The following CTNNBIP1 variants were observed in gnomAD, a reference collection of about 807,000 sequenced individuals.
The protein encoded by CTNNBIP1 is beta-catenin-interacting protein 1.
In CTNNBIP1, 7 loss-of-function variants were observed where a neutral mutation model predicts 11.8. That is an observed-to-expected ratio of 0.60 (90% confidence interval 0.34 to 1.12). The LOEUF (loss-of-function observed/expected upper bound fraction) is 1.12, where lower values mean the gene tolerates loss of function less well. Ranked by LOEUF, CTNNBIP1 falls within the 50% of genes most tolerant of loss-of-function variation. The pLI is 0.03. For synonymous variants in CTNNBIP1, 58 were observed against 43.9 expected (o/e 1.32, Z -1.26); for missense variants, 101 against 113.4 (o/e 0.89, Z 0.50).
intron 2 of CTNNBIP1, among the ~76,000 whole-genome samples, chr1:9,882,291 G>A (rs1639098405): frequency 6.6e-6 from 1 of 152,214 alleles, no homozygotes. Context: ...GAATACACAG[G>A]TGAGCAAAAG....
At chr1:9,882,764 C>T (rs905276902) in intron 2 of CTNNBIP1, among the ~76,000 whole-genome samples, 1 of 152,098 alleles carries the variant, frequency 6.6e-6, no homozygotes, top group Non-Finnish European at 1.5e-5. Context: ...AGGCCTGGCA[C>T]ATGTCCAGGG....
intron 5 of CTNNBIP1, among the ~76,000 whole-genome samples, chr1:9,855,315 G>A (rs953776836): frequency 6.7e-6 from 1 of 149,908 alleles, no homozygotes; most frequent in Non-Finnish European, 1.5e-5. Flanking sequence ...TATGGGAAGG[G>A]AAGGGACCCA....
intron 1 of CTNNBIP1, among the ~76,000 whole-genome samples, chr1:9,896,239 A>G (rs1234637034): frequency 6.6e-6 from 1 of 152,230 alleles, no homozygotes; most frequent in East Asian, 1.9e-4. Flanking sequence ...TATCTGATGT[A>G]TCAGTGTTCC....
At chr1:9,876,318 G>A (rs1455907548) in intron 3 of CTNNBIP1, among the ~76,000 whole-genome samples, 1 of 152,018 alleles carries the variant, frequency 6.6e-6, no homozygotes, top group Non-Finnish European at 1.5e-5. Flanking sequence ...CCAAAAAAAG[G>A]AAAATGAAAA....
chr1:9,895,107 C>A (rs1639384067), intron 1 of CTNNBIP1, among the ~76,000 whole-genome samples: 1 of 151,292 alleles, frequency 6.6e-6, no homozygotes, highest in Non-Finnish European at 1.5e-5. Context: ...CAGGGTTTCA[C>A]CGTGTTAGCC....
chr1:9,902,240 G>C (rs182021812), intron 1 of CTNNBIP1, among the ~76,000 whole-genome samples: 3 of 152,326 alleles, frequency 2.0e-5, no homozygotes, highest in Non-Finnish European at 4.4e-5. Context: ...TTGGCAGCGA[G>C]AGACGTGTCG....
intron 2 of CTNNBIP1, among the ~76,000 whole-genome samples, chr1:9,882,187 G>C (rs1166238256): frequency 6.6e-6 from 1 of 152,194 alleles, no homozygotes; most frequent in East Asian, 1.9e-4. Context: ...CTTGAAGGAT[G>C]AACAGGAGTT....
At chr1:9,896,872 C>T (rs539185257) in intron 1 of CTNNBIP1, among the ~76,000 whole-genome samples, 1 of 151,890 alleles carries the variant, frequency 6.6e-6, no homozygotes, top group African/African-American at 2.4e-5. Context: ...GAGGCTGAGG[C>T]AGAAGAATCA....
At chr1:9,903,061 G>A (rs564752534) in intron 1 of CTNNBIP1, among the ~76,000 whole-genome samples, 42 of 152,322 alleles carry the variant, frequency 2.8e-4, no homozygotes, top group African/African-American at 8.7e-4. Flanking sequence ...CACCACGCCC[G>A]GCTGGGGAAT....
chr1:9,908,021 T>C (rs1283058162), intron 1 of CTNNBIP1, among the ~76,000 whole-genome samples: 2 of 152,242 alleles, frequency 1.3e-5, no homozygotes, highest in Non-Finnish European at 2.9e-5. Context: ...AACTCTTTAT[T>C]ACGACCTACA....
In CTNNBIP1 at chr1:9,881,371, C is replaced by G. The variant is rs943643472; in HGVS notation, c.-110+2334G>C. ...TTTTTTTTTTGAGAATGGAGTTTCT[C>G]TCTTATTGCCCAGGCTGGAGTGTAA... is the stretch of plus-strand genomic sequence containing the variant. On this transcript the variant is annotated intron_variant, in intron 2 of 5. Transcript: ENST00000377263. Among the ~76,000 whole-genome samples, 5 of 103,492 alleles carry G rather than the reference C, an allele frequency of 4.8e-5. No homozygotes were observed. The Admixed American group carries it at 5.6e-4, about 12-fold the overall frequency. The allele number at this position is 103,492 out of a possible 152,430, so 67.9% of individuals were successfully genotyped here. A position where few individuals can be genotyped will look rare whatever the true frequency, so the allele number is the denominator to read the frequency against.
intron 1 of CTNNBIP1, among the ~76,000 whole-genome samples, chr1:9,893,692 CTT>C (rs1639351996): frequency 6.6e-6 from 1 of 152,218 alleles, no homozygotes; most frequent in Admixed American, 6.5e-5. Context: ...AGGATTAAGA[CTT>C]TGTTTAAGTC....
rs368915238 is a variant in CTNNBIP1 at position 9,850,932 on chromosome 1, T to G, written c.188-156A>C. 2.6e-5 allele frequency among the ~76,000 whole-genome samples: 4 copies of G among 152,224 alleles called. No individual in the cohort carries two copies. The East Asian group carries it at 7.7e-4, about 29-fold the overall frequency. On this transcript the variant is annotated intron_variant, in intron 5 of 5. Transcript: ENST00000377263. ...CTTCCGAGGAAGTCTTCCTCCCCTC[T>G]GGTCTTCCCTGCCTCCTGGCTGGGG...
At chr1:9,866,782 T>C (rs577016127) in intron 5 of CTNNBIP1, among the ~76,000 whole-genome samples, 4 of 150,908 alleles carry the variant, frequency 2.7e-5, no homozygotes, top group East Asian at 2.0e-4. Flanking sequence ...GGGGGCAAGA[T>C]GGGAAGTCGA....
At chr1:9,879,946 A>G (rs1639048110) in intron 2 of CTNNBIP1, among the ~76,000 whole-genome samples, 1 of 152,056 alleles carries the variant, frequency 6.6e-6, no homozygotes, top group Non-Finnish European at 1.5e-5. Flanking sequence ...ACAGCAGCAT[A>G]TTTGCCATTT....
rs1358400103 is a variant in CTNNBIP1, at chr1:9,867,189, GA to G, written c.187+3997del. ...GGAAACAGCCAGTGAGGGGTGACGT[GA>G]AGGACAAGGGAGGGAAAGGAGGCTG... On this transcript the variant is annotated intron_variant, in intron 5 of 5. Transcript: ENST00000377263. This position sits in a 1 kb window ranked among gnomAD's most constrained non-coding sequence, Gnocchi z 4.6. Among the ~76,000 whole-genome samples, 47 of 152,168 alleles carry G rather than the reference GA, an allele frequency of 3.1e-4. No homozygotes were observed. Among genetic ancestry groups the G allele is most frequent in the African/African-American group, 1.0e-3 (43 of 41,430 alleles).
intron 2 of CTNNBIP1, among the ~76,000 whole-genome samples, chr1:9,881,945 C>A (rs114005393): frequency 1.2e-3 from 184 of 152,284 alleles, no homozygotes; most frequent in African/African-American, 4.3e-3. Flanking sequence ...GAAAACCACA[C>A]AAATAATACA....
intron 1 of CTNNBIP1, among the ~76,000 whole-genome samples, chr1:9,898,088 C>G (rs1639446659): frequency 6.7e-6 from 1 of 149,802 alleles, no homozygotes; most frequent in Non-Finnish European, 1.5e-5. Context: ...GAACTCCAGT[C>G]TGGATAACAG....
At position 9,872,939 on chromosome 1, in the gene CTNNBIP1, G is replaced by T. The variant is rs561853858; in HGVS notation, c.-24-851C>A. The stretch of plus-strand genomic sequence containing the variant: ...ATAACGCAGCAGCTGCTGGGGTGGA[G>T]CCTTATCAGCCCTGGTGCCAAGGAA... On this transcript the variant is annotated intron_variant, in intron 3 of 5. Coordinates refer to ENST00000377263, the MANE Select transcript of CTNNBIP1 (RefSeq NM_020248.3). This position sits in a 1 kb window ranked among gnomAD's most constrained non-coding sequence, Gnocchi z 4.0. Among the ~76,000 whole-genome samples the T allele has an allele frequency of 6.6e-6, 1 of 152,134 alleles. No individual in the cohort carries two copies. The highest frequency in any genetic ancestry group is 2.4e-5 in the African/African-American group (1 of 41,400).
Sources: gnomAD v4.1 joint callset for allele counts (sites outside exome capture counted in the v4.1 genomes callset) on GRCh38, gnomAD v4.1.1 for gene constraint, Gnocchi (gnomAD v3.1) non-coding constraint, MANE v1.5 for transcripts, NCBI Gene and HGNC (gene_info 2026-07-23, HGNC 2026-07-21) for gene names.